The following GSG1L variants were observed in gnomAD, a reference collection of about 807,000 sequenced individuals.
GSG1L encodes GSG1 like.
A neutral mutation model predicts 42.1 loss-of-function variants in GSG1L; 24 were observed. That is an observed-to-expected ratio of 0.57 (90% CI 0.41 to 0.80). The LOEUF is 0.80. Among genes scored for constraint, GSG1L ranks in the 30% least tolerant of loss-of-function variants. GSG1L has a pLI of 0.00. For synonymous variants in GSG1L, 215 were observed against 203.5 expected (o/e 1.06, Z -0.48); for missense variants, 445 against 472.2 (o/e 0.94, Z 0.53).
intron 3 of GSG1L, among the ~76,000 whole-genome samples, chr16:27,876,208 G>A (rs2083885507): frequency 6.6e-6 from 1 of 152,160 alleles, no homozygotes; most frequent in South Asian, 2.1e-4. Context: ...AACAGAAGGG[G>A]TTATGGGTGG....
At chr16:27,975,337 A>G (rs1845386037) in intron 1 of GSG1L, among the ~76,000 whole-genome samples, 1 of 151,702 alleles carries the variant, frequency 6.6e-6, no homozygotes, top group African/African-American at 2.4e-5. Context: ...AAGGGCAGGG[A>G]ATGGACATGG....
At chr16:28,048,721 T>C (rs205402) in intron 1 of GSG1L, among the ~76,000 whole-genome samples, 27,794 of 152,236 alleles carry the variant, frequency 0.18, 3,180 homozygotes, top group South Asian at 0.44. Flanking sequence ...ACTCATAGGA[T>C]ATGGCTAAAG....
At chr16:27,877,921 C>A (rs1312444359) in intron 3 of GSG1L, among the ~76,000 whole-genome samples, 1 of 152,206 alleles carries the variant, frequency 6.6e-6, no homozygotes, top group African/African-American at 2.4e-5. Context: ...TAGGGTTCAA[C>A]ACGTTACTAG....
intron 2 of GSG1L, among the ~76,000 whole-genome samples, chr16:27,890,554 G>A (rs2084113852): frequency 6.6e-6 from 1 of 152,222 alleles, no homozygotes; most frequent in African/African-American, 2.4e-5. Context: ...CCCCTGAGGG[G>A]TGGACTCAGT....
At chr16:27,979,515 A>G (rs2085288857) in intron 1 of GSG1L, among the ~76,000 whole-genome samples, 1 of 147,484 alleles carries the variant, frequency 6.8e-6, no homozygotes, top group African/African-American at 2.5e-5. Context: ...GCACTGAGCC[A>G]CCAAGATCAT....
chr16:27,935,381 C>A (rs2084703766), intron 2 of GSG1L, among the ~76,000 whole-genome samples: 1 of 152,170 alleles, frequency 6.6e-6, no homozygotes, highest in Non-Finnish European at 1.5e-5. Context: ...ATTTCTGATG[C>A]CAAGTGGTGT....
At position 27,799,873 on chromosome 16, in the gene GSG1L, C is replaced by T. The variant is rs116599856; in HGVS notation, c.898+7614G>A. ...CAAGCGACAAAATGCAGACTGGCTTCTGGCAGTAGCTTCAAAGGGACAGGT... is the reference window on the plus strand; with the variant it reads ...CAAGCGACAAAATGCAGACTGGCTTTTGGCAGTAGCTTCAAAGGGACAGGT... On this transcript the variant is annotated intron_variant, in intron 6 of 6. Coordinates refer to ENST00000447459, the MANE Select transcript of GSG1L (RefSeq NM_001109763.2). 2.4e-3 allele frequency among the ~76,000 whole-genome samples: 368 copies of T among 152,280 alleles called. 3 individuals carry two copies. Among genetic ancestry groups the T allele is most frequent in the African/African-American group, 8.5e-3 (354 of 41,566 alleles).
chr16:27,793,354 A>G (rs1205326154), intron 6 of GSG1L, among the ~76,000 whole-genome samples: 1 of 152,156 alleles, frequency 6.6e-6, no homozygotes, highest in Non-Finnish European at 1.5e-5. Context: ...TATATTTATT[A>G]AGGGGTGGGA....
chr16:27,804,203 C>T (rs1324002617), intron 6 of GSG1L, among the ~76,000 whole-genome samples: 17 of 152,038 alleles, frequency 1.1e-4, no homozygotes, highest in Non-Finnish European at 1.5e-5. Context: ...TAGCGAACTC[C>T]GTCCCTGTCC....
At chr16:27,986,649 G>T (rs1270886401) in intron 1 of GSG1L, among the ~76,000 whole-genome samples, 1 of 152,216 alleles carries the variant, frequency 6.6e-6, no homozygotes, top group East Asian at 1.9e-4. Context: ...CCAGCATTGG[G>T]GAGAATGTCC....
chr16:27,847,080 C>A (rs1043288356), intron 3 of GSG1L, among the ~76,000 whole-genome samples: 1 of 152,050 alleles, frequency 6.6e-6, no homozygotes, highest in African/African-American at 2.4e-5. Flanking sequence ...ATTTCCAACT[C>A]ATCTGAATTA....
chr16:27,921,796 T>C (rs2141063527), intron 2 of GSG1L, among the ~76,000 whole-genome samples: 1 of 152,276 alleles, frequency 6.6e-6, no homozygotes, highest in African/African-American at 2.4e-5. Context: ...CGGCAGCCCC[T>C]TCTCAAGTTG....
chr16:27,840,307 G>A (rs1485770655), intron 4 of GSG1L, among the ~76,000 whole-genome samples: 1 of 152,060 alleles, frequency 6.6e-6, no homozygotes, highest in South Asian at 2.1e-4. Context: ...AAGGTGCTGG[G>A]ATTACAGGTG....
chr16:27,932,448 C>G (rs1201423662), intron 2 of GSG1L, among the ~76,000 whole-genome samples: 1 of 152,110 alleles, frequency 6.6e-6, no homozygotes, highest in Non-Finnish European at 1.5e-5. Context: ...AGGAAACTTA[C>G]AATCATAGCA....
At chr16:27,995,324 A>G (rs1485091174) in intron 1 of GSG1L, among the ~76,000 whole-genome samples, 1 of 152,250 alleles carries the variant, frequency 6.6e-6, no homozygotes, top group African/African-American at 2.4e-5. Context: ...AATACAGCTC[A>G]CCAAGGAAGA....
At chr16:27,903,452 C>T (rs571211394) in intron 2 of GSG1L, among the ~76,000 whole-genome samples, 10 of 152,148 alleles carry the variant, frequency 6.6e-5, no homozygotes, top group Non-Finnish European at 1.0e-4. Flanking sequence ...ACAGACTGCC[C>T]GTGGGAGGCA....
rs570722520 is a variant in GSG1L at position 27,799,288 on chromosome 16, CT to C, written c.899-7822del. Among the ~76,000 whole-genome samples the C allele has an allele frequency of 1.2e-3, 171 of 141,472 alleles. 1 individual carries two copies. The highest frequency in any genetic ancestry group is 4.3e-3 in the African/African-American group (164 of 38,100). 92.8% of individuals were successfully genotyped at this position (141,472 alleles called of 152,430 possible). ...GCGGCTCACGCCTGTAATCTCATCA[CT>C]TTGGGAGTCCAAGGCAGGATTATTA... On this transcript the variant is annotated intron_variant, in intron 6 of 6. Coordinates refer to ENST00000447459, the MANE Select transcript of GSG1L (RefSeq NM_001109763.2).
chr16:27,885,474 T>TCA (rs762904488), intron 2 of GSG1L, among the ~76,000 whole-genome samples: 4 of 152,058 alleles, frequency 2.6e-5, no homozygotes, highest in Non-Finnish European at 4.4e-5. Flanking sequence ...GTATGCCACC[T>TCA]CACACACACA....
chr16:27,964,575 A>G (rs1009745090), intron 1 of GSG1L, among the ~76,000 whole-genome samples: 8 of 152,246 alleles, frequency 5.3e-5, no homozygotes, highest in Non-Finnish European at 8.8e-5. Flanking sequence ...TACACAATGA[A>G]GTACTCTTCA....
Sources: gnomAD v4.1 joint callset for allele counts (sites outside exome capture counted in the v4.1 genomes callset) on GRCh38, gnomAD v4.1.1 for gene constraint, MANE v1.5 for transcripts, NCBI Gene and HGNC (gene_info 2026-07-23, HGNC 2026-07-21) for gene names.